The following ENAH variants were observed in gnomAD, a reference collection of about 807,000 sequenced individuals.
ENAH encodes the protein protein enabled homolog.
Under a neutral mutation model 78.7 loss-of-function variants are expected in ENAH, and 23 were observed. That is an observed-to-expected ratio of 0.29 (90% confidence interval 0.21 to 0.41). ENAH has a LOEUF of 0.41. Ranked by LOEUF, ENAH falls within the 10% of genes least tolerant of loss-of-function variation. The pLI, the probability that ENAH is intolerant of heterozygous loss-of-function variation, is 1.00. For synonymous variants in ENAH, 226 were observed against 241.0 expected (o/e 0.94, Z 0.58); for missense variants, 544 against 691.0 (o/e 0.79, Z 2.39).
chr1:225,502,393 G>A (rs2096287842), intron 11 of ENAH, among the ~76,000 whole-genome samples: 1 of 152,136 alleles, frequency 6.6e-6, no homozygotes, highest in Non-Finnish European at 1.5e-5. Context: ...TGTATTCTGA[G>A]TAGAGACGGG....
chr1:225,548,307 T>C (rs1475036895), intron 3 of ENAH, among the ~76,000 whole-genome samples: 1 of 151,990 alleles, frequency 6.6e-6, no homozygotes, highest in East Asian at 1.9e-4. Context: ...GACATAAATA[T>C]TCTCATGACT....
chr1:225,498,621 A>C (rs940445951), intron 12 of ENAH, among the ~76,000 whole-genome samples: 1 of 152,236 alleles, frequency 6.6e-6, no homozygotes, highest in African/African-American at 2.4e-5. Flanking sequence ...AATATGTGAA[A>C]TAGAATGCTT....
chr1:225,586,319 G>A (rs537636970), intron 1 of ENAH, among the ~76,000 whole-genome samples: 7 of 150,838 alleles, frequency 4.6e-5, no homozygotes, highest in Middle Eastern at 3.5e-3. Flanking sequence ...AAGGAAAAGG[G>A]AAAAGTAGAG....
chr1:225,608,613 C>G (rs1204128413), intron 1 of ENAH, among the ~76,000 whole-genome samples: 1 of 151,436 alleles, frequency 6.6e-6, no homozygotes, highest in Non-Finnish European at 1.5e-5. Flanking sequence ...GTCAGGAGCT[C>G]GAGACCAGCC....
chr1:225,503,918 A>G (rs1163121498), intron 11 of ENAH, among the ~76,000 whole-genome samples: 2 of 152,096 alleles, frequency 1.3e-5, no homozygotes, highest in African/African-American at 4.8e-5. Context: ...AGATGTGTAA[A>G]ATAACATAAA....
chr1:225,563,413 C>T (rs1319453216), intron 2 of ENAH, among the ~76,000 whole-genome samples: 1 of 152,146 alleles, frequency 6.6e-6, no homozygotes, highest in Non-Finnish European at 1.5e-5. Flanking sequence ...TGTAAGATAC[C>T]TGCTGTATGC....
At position 225,491,532 on chromosome 1, in the gene ENAH, T is replaced by TA. The variant is rs1453371032; in HGVS notation, c.*6242dup. 3 of 151,364 alleles carry TA rather than the reference T, an allele frequency of 2.0e-5. No individual in the cohort carries two copies. Among genetic ancestry groups the TA allele is most frequent in the Non-Finnish European group, 4.4e-5 (3 of 67,942 alleles). 9.4% of individuals were successfully genotyped at this position (151,364 alleles called of 1,614,324 possible). Reference sequence around the variant, plus strand: ...AGAAAAGAGGTTTCACAGATGTGACTAAAGCATGGACTGTTAGGCGCTTAA... The same window carrying TA: ...AGAAAAGAGGTTTCACAGATGTGACTAAAAGCATGGACTGTTAGGCGCTTAA... On this transcript the variant is annotated 3_prime_UTR_variant, in exon 14 of 14. Transcript: ENST00000366843.
At chr1:225,590,974 T>C (rs1235283405) in intron 1 of ENAH, among the ~76,000 whole-genome samples, 1 of 152,220 alleles carries the variant, frequency 6.6e-6, no homozygotes, top group Non-Finnish European at 1.5e-5. Flanking sequence ...TTTTATAAAA[T>C]ACATTTACTT....
chr1:225,560,666 G>T (rs542938633), intron 2 of ENAH, among the ~76,000 whole-genome samples: 1 of 152,008 alleles, frequency 6.6e-6, no homozygotes, highest in South Asian at 2.1e-4. Flanking sequence ...CTCCTGATGT[G>T]GTTTTTATAA....
At chr1:225,575,548 A>G (rs1340925533) in intron 1 of ENAH, among the ~76,000 whole-genome samples, 1 of 152,168 alleles carries the variant, frequency 6.6e-6, no homozygotes. Flanking sequence ...TAGTGCTGGG[A>G]GCACACTGGT....
In ENAH at chr1:225,488,179, A is replaced by ATTTAT. The variant is rs1553405465; in HGVS notation, c.*9595_*9596insATAAA. The ATTTAT allele has an allele frequency of 6.6e-6, 1 of 150,950 alleles. No individual in the cohort carries two copies. The highest frequency in any genetic ancestry group is 6.6e-5 in the Admixed American group (1 of 15,134). The allele number at this position is 150,950 out of a possible 1,614,324, so 9.4% of individuals were successfully genotyped here. On this transcript the variant is annotated 3_prime_UTR_variant, in exon 14 of 14. Transcript: ENST00000366843. ...AAGGTTTTTATTTATTTATTTATTT[A>ATTTAT]TTATTTATTTATTTATTTTTTAAGG...
In ENAH at chr1:225,652,703, G is replaced by C; in HGVS notation, c.-13C>G. 2 of 1,320,424 alleles carry C rather than the reference G, an allele frequency of 1.5e-6. No homozygotes were observed. 81.8% of individuals were successfully genotyped at this position (1,320,424 alleles called of 1,614,324 possible). A position where few individuals can be genotyped will look rare whatever the true frequency, so the allele number is the denominator to read the frequency against. Reference sequence around the variant, plus strand: ...CCCCTCACCTCATGGTGCCGGCGGCGCAGAGGCTTCCCCACCAGCCGGGAG... The same window carrying C: ...CCCCTCACCTCATGGTGCCGGCGGCCCAGAGGCTTCCCCACCAGCCGGGAG... On this transcript the variant is annotated 5_prime_UTR_variant, in exon 1 of 14. Transcript: ENST00000366843.
chr1:225,544,664 T>C (rs1359042417), intron 3 of ENAH, among the ~76,000 whole-genome samples: 4 of 152,210 alleles, frequency 2.6e-5, no homozygotes, highest in East Asian at 3.8e-4. Context: ...GACTAAAAGC[T>C]GCGCTCATGA....
intron 11 of ENAH, among the ~76,000 whole-genome samples, chr1:225,507,570 G>A (rs1382944225): frequency 6.6e-6 from 1 of 152,100 alleles, no homozygotes; most frequent in East Asian, 1.9e-4. Context: ...AAAAAGTGTG[G>A]ATAGGTAGAT....
chr1:225,513,601 T>G (rs2151123946), intron 7 of ENAH, among the ~76,000 whole-genome samples: 1 of 152,364 alleles, frequency 6.6e-6, no homozygotes, highest in Non-Finnish European at 1.5e-5. Context: ...TTACTGGTTA[T>G]GCAGGTAAAT....
intron 11 of ENAH, chr1:225,504,878 A>C: frequency 1.6e-6 from 1 of 623,914 alleles, no homozygotes. Context: ...ATTCAAAATA[A>C]AGAAAAAAAA....
intron 1 of ENAH, among the ~76,000 whole-genome samples, chr1:225,607,966 TG>T: frequency 6.6e-6 from 1 of 152,050 alleles, no homozygotes; most frequent in East Asian, 1.9e-4. Flanking sequence ...GGCTTAAGTC[TG>T]AACAGATAGG....
At chr1:225,637,103 C>T (rs1660199555) in intron 1 of ENAH, among the ~76,000 whole-genome samples, 1 of 152,176 alleles carries the variant, frequency 6.6e-6, no homozygotes, top group South Asian at 2.1e-4. Flanking sequence ...AAAGGCACTG[C>T]TGAACTGTTT....
At chr1:225,591,288 G>C (rs2096874341) in intron 1 of ENAH, among the ~76,000 whole-genome samples, 1 of 152,094 alleles carries the variant, frequency 6.6e-6, no homozygotes, top group African/African-American at 2.4e-5. Flanking sequence ...GGCTAACATG[G>C]TGAAACCCTG....
Sources: allele counts gnomAD v4.1 joint callset (sites outside exome capture counted in the v4.1 genomes callset), GRCh38; gene constraint gnomAD v4.1.1; transcripts MANE v1.5; gene names NCBI Gene and HGNC (gene_info 2026-07-23, HGNC 2026-07-21).